CDKL5: variants seen among roughly 807,000 people sequenced by gnomAD.
The protein encoded by CDKL5 is cyclin dependent kinase like 5.
CDKL5 carries 8 observed loss-of-function variants against 61.7 expected under a neutral mutation model. The observed-to-expected ratio is 0.13, with a 90% CI of 0.08 to 0.23. CDKL5 has a LOEUF of 0.23. Among genes scored for constraint, CDKL5 ranks in the 10% least tolerant of loss-of-function variants. The probability of loss-of-function intolerance (pLI) is 1.00; values close to 1 mark genes in which losing one functional copy is unlikely to be tolerated. For synonymous variants in CDKL5, 275 were observed against 272.3 expected, an observed-to-expected ratio of 1.01 and a Z score of -0.10; for missense variants, 440 against 734.5, an observed-to-expected ratio of 0.60 and a Z score of 4.63.
chrX:18,509,309 A>G (rs769045323), intron 2 of CDKL5, among the ~76,000 whole-genome samples: 1 of 109,550 alleles, frequency 9.1e-6, no homozygotes, highest in South Asian at 4.0e-4. Context: ...CCATAGAATA[A>G]CTGGCATAGG....
At chrX:18,524,776 G>C (rs1477393249) in intron 3 of CDKL5, among the ~76,000 whole-genome samples, 4 of 111,982 alleles carry the variant, frequency 3.6e-5, no homozygotes, top group Non-Finnish European at 7.5e-5. Flanking sequence ...TTTAGTTTTT[G>C]TGAGACTTGT....
intron 1 of CDKL5, among the ~76,000 whole-genome samples, chrX:18,465,222 A>T (rs753097076): frequency 9.0e-6 from 1 of 111,073 alleles, no homozygotes; most frequent in South Asian, 3.8e-4. Context: ...TCCCTGTATG[A>T]TCTATTTCTG....
At chrX:18,429,875 C>T (rs1161076147) in intron 1 of CDKL5, among the ~76,000 whole-genome samples, 4 of 112,027 alleles carry the variant, frequency 3.6e-5, no homozygotes, top group Admixed American at 2.9e-4. Context: ...TGGCGTCAAG[C>T]GATCCTCCTG....
chrX:18,612,669 G>A (rs769187281), intron 14 of CDKL5, among the ~76,000 whole-genome samples: 1,288 of 104,797 alleles, frequency 0.012, 17 homozygotes, highest in Middle Eastern at 0.04. Context: ...AAAAAAAAAA[G>A]AGAGAGAGAA....
At position 18,637,990 on chromosome X, in the gene CDKL5, A is replaced by G. The variant is rs186124003; in HGVS notation, c.*9233A>G. On this transcript the variant is annotated 3_prime_UTR_variant, in exon 18 of 18. Coordinates refer to ENST00000623535, the MANE Select transcript of CDKL5 (RefSeq NM_001323289.2). ...AGGTTGGGCTTAAGAATGACCCAGC[A>G]TGGAAGTACTCTTGGGACCACAGGG... 1 of 111,640 alleles carries G rather than the reference A, an allele frequency of 9.0e-6. No homozygotes were observed. Among genetic ancestry groups the G allele is most frequent in the East Asian group, 2.8e-4 (1 of 3,554 alleles). The allele number at this position is 111,640 out of a possible 1,213,427, so 9.2% of individuals were successfully genotyped here.
intron 3 of CDKL5, among the ~76,000 whole-genome samples, chrX:18,523,595 A>C (rs902702936): frequency 7.1e-5 from 8 of 111,892 alleles, no homozygotes; most frequent in Non-Finnish European, 5.6e-5. Context: ...ATCATCTATT[A>C]CCATTGAGTA....
In CDKL5 at chrX:18,497,757, C is replaced by T. The variant is rs188277413; in HGVS notation, c.-162-9178C>T. ...TAGAAATAGTGCCCCAGGAACCCCT[C>T]CTGTGTTGTGTTGTGTTGTGTTGTC... is the stretch of plus-strand genomic sequence containing the variant. On this transcript the variant is annotated intron_variant, in intron 1 of 17. Coordinates refer to ENST00000623535, the MANE Select transcript of CDKL5 (RefSeq NM_001323289.2). Among the ~76,000 whole-genome samples, 307 of 110,389 alleles carry T rather than the reference C, an allele frequency of 2.8e-3. 2 individuals are homozygous for T. Among genetic ancestry groups the T allele is most frequent in the African/African-American group, 0.01 (305 of 30,405 alleles).
rs755896228 is a variant in CDKL5 at position 18,622,033 on chromosome X, A to G, written c.2376+2067A>G. ...TAAGTGGTAGAAAGTAGGAAAGATT[A>G]AGGAATTGAAGGTGTTTTTGTATAT... On this transcript the variant is annotated intron_variant, in intron 16 of 17. Coordinates refer to ENST00000623535, the MANE Select transcript of CDKL5 (RefSeq NM_001323289.2). Among the ~76,000 whole-genome samples, 45 of 111,734 alleles carry G rather than the reference A, an allele frequency of 4.0e-4. No individual in the cohort carries two copies. In the South Asian group the frequency reaches 0.017, roughly 42 times the overall value.
chrX:18,537,326 C>T (rs962576958), intron 3 of CDKL5, among the ~76,000 whole-genome samples: 2 of 112,100 alleles, frequency 1.8e-5, no homozygotes, highest in Non-Finnish European at 3.8e-5. Flanking sequence ...ATATATCTTG[C>T]TTTTTTTCCC....
rs1056394638 is a variant in CDKL5, at chrX:18,633,692, C to A, written c.*4935C>A. 1.3e-6 allele frequency: 1 copy of A among 751,855 alleles called. No homozygotes were observed. Among genetic ancestry groups the A allele is most frequent in the African/African-American group, 2.3e-5 (1 of 43,024 alleles). The allele number at this position is 751,855 out of a possible 1,213,427, so 62.0% of individuals were successfully genotyped here. On this transcript the variant is annotated 3_prime_UTR_variant, in exon 18 of 18. Transcript: ENST00000623535. ...GAAACTCTGGGCCTGCTGCCCCCTT[C>A]GATTCTTTTTTTTTTTCTTTGTGAA...
chrX:18,473,030 A>G (rs997921706), intron 1 of CDKL5, among the ~76,000 whole-genome samples: 1 of 102,642 alleles, frequency 9.7e-6, no homozygotes, highest in Admixed American at 1.1e-4. Context: ...ATCTCGGCTC[A>G]CTGCAACCTC....
intron 9 of CDKL5, chrX:18,588,895 C>T (rs1324350981): frequency 9.6e-6 from 1 of 104,341 alleles, no homozygotes; most frequent in African/African-American, 3.5e-5. Context: ...GCCTGGGTGA[C>T]AGAGTGAGAT....
intron 20 of CDKL5, among the ~76,000 whole-genome samples, chrX:18,649,813 C>T (rs889152025): frequency 8.9e-6 from 1 of 112,060 alleles, no homozygotes; most frequent in Non-Finnish European, 1.9e-5. Flanking sequence ...CCCCCACCCG[C>T]GACACCCCTC....
At chrX:18,653,530 C>T (rs2147201323) in exon 22 of CDKL5, 2 of 1,212,027 alleles carry the variant, frequency 1.7e-6, no homozygotes, top group East Asian at 5.9e-5. Context: ...GAATGCGGCA[C>T]TGACGGGCAA....
intron 1 of CDKL5, among the ~76,000 whole-genome samples, chrX:18,475,916 G>A (rs1161496937): frequency 1.8e-5 from 2 of 112,147 alleles, no homozygotes; most frequent in Non-Finnish European, 3.8e-5. Flanking sequence ...TTCTTACAAT[G>A]TATTTCCAAA....
At chrX:18,545,504 T>C (rs1160330699) in intron 3 of CDKL5, among the ~76,000 whole-genome samples, 1 of 112,256 alleles carries the variant, frequency 8.9e-6, no homozygotes. Context: ...AGGGACTTAA[T>C]TGTAAAGCAG....
In CDKL5 at chrX:18,604,000, G is replaced by C. The variant is rs1207429249; in HGVS notation, c.1076G>C (p.Gly359Ala). The change falls in exon 12 of 18, where the codon GGT becomes GCT. Residue 359 changes from glycine (G) to alanine (A), a missense_variant. Physicochemically the swap from Gly to Ala is moderately conservative, Grantham distance 60 (BLOSUM62 0). Transcript: ENST00000623535. ...GTAGGCCTGCCCCGGGCTGACGAAG[G>C]TCTCCCTGCCAATGAAAGCTTCCTA... The part of the protein sequence containing the change: ...LSVGLPRADE[G>A]LPANESFLNG... 1.7e-6 allele frequency: 2 copies of C among 1,209,126 alleles called. No individual in the cohort carries two copies. The highest frequency in any genetic ancestry group is 1.1e-6 in the Non-Finnish European group (1 of 895,044).
intron 1 of CDKL5, among the ~76,000 whole-genome samples, chrX:18,500,270 A>G (rs1323115698): frequency 8.9e-6 from 1 of 111,899 alleles, no homozygotes; most frequent in Non-Finnish European, 1.9e-5. Flanking sequence ...CATCATTTCA[A>G]GCATTTATCA....
At position 18,543,805 on chromosome X, in the gene CDKL5, A is replaced by G. The variant is rs776011085; in HGVS notation, c.100-20672A>G. Among the ~76,000 whole-genome samples the G allele has an allele frequency of 1.7e-3, 189 of 111,545 alleles. 1 individual carries two copies. The highest frequency in any genetic ancestry group is 5.8e-3 in the African/African-American group (177 of 30,701). On this transcript the variant is annotated intron_variant, in intron 3 of 17. Coordinates refer to ENST00000623535, the MANE Select transcript of CDKL5 (RefSeq NM_001323289.2). ...AATTTGCCCCATTATACTCAGATGG[A>G]AACCACTCACAATTCTTTTAGAAAT...
Sources: gnomAD v4.1 joint callset for allele counts (sites outside exome capture counted in the v4.1 genomes callset) on GRCh38, gnomAD v4.1.1 for gene constraint, MANE v1.5 for transcripts, NCBI Gene and HGNC (gene_info 2026-07-23, HGNC 2026-07-21) for gene names.